The following OSBPL5 variants were observed in gnomAD, a reference collection of about 807,000 sequenced individuals.
The protein encoded by OSBPL5 is oxysterol binding protein like 5.
OSBPL5 carries 71 observed loss-of-function variants against 111.2 expected under a neutral mutation model. The ratio of observed to expected loss-of-function variants is 0.64; its 90% confidence interval spans 0.53 to 0.78. The LOEUF (loss-of-function observed/expected upper bound fraction) is 0.78, where lower values mean the gene tolerates loss of function less well. OSBPL5 is among the 30% of genes least tolerant of loss of function. OSBPL5 has a pLI of 0.00. For synonymous variants in OSBPL5, 549 were observed against 513.9 expected, an observed-to-expected ratio of 1.07 and a Z score of -0.93; for missense variants, 1,210 against 1,189.3, an observed-to-expected ratio of 1.02 and a Z score of -0.26.
chr11:3,156,767 C>A (rs968657833), intron 1 of OSBPL5, among the ~76,000 whole-genome samples: 4 of 152,244 alleles, frequency 2.6e-5, no homozygotes, highest in African/African-American at 9.6e-5. Context: ...TCTGAGAGCC[C>A]ATGCCACTTC....
chr11:3,150,317 A>C (rs1404015946), intron 1 of OSBPL5, among the ~76,000 whole-genome samples: 1 of 152,044 alleles, frequency 6.6e-6, no homozygotes, highest in Non-Finnish European at 1.5e-5. Context: ...TTAAAAAAAA[A>C]GTTTTTTGGT....
rs1428053690 is a variant in OSBPL5, at chr11:3,087,933, C to T, written c.*272G>A. 2 of 319,388 alleles carry T rather than the reference C, an allele frequency of 6.3e-6. No homozygotes were observed. Among genetic ancestry groups the T allele is most frequent in the Non-Finnish European group, 1.1e-5 (2 of 176,000 alleles). The allele number at this position is 319,388 out of a possible 1,614,324, so 19.8% of individuals were successfully genotyped here. On this transcript the variant is annotated 3_prime_UTR_variant, in exon 22 of 22. Coordinates refer to ENST00000263650, the MANE Select transcript of OSBPL5 (RefSeq NM_020896.4). ...ACAGGGGGTGACACGGCAAGATGGCCAGGAGTGCGTCGCACAGCAGAAGCT... is the reference window on the plus strand; with the variant it reads ...ACAGGGGGTGACACGGCAAGATGGCTAGGAGTGCGTCGCACAGCAGAAGCT...
chr11:3,090,846 G>T (rs1189170838), intron 19 of OSBPL5, 150 bp from the exon 20 acceptor site: 6 of 1,029,570 alleles, frequency 5.8e-6, no homozygotes, highest in Non-Finnish European at 8.3e-6. Context: ...GGCTGGAGGG[G>T]TCTGTCTCAG....
intron 1 of OSBPL5, chr11:3,164,276 G>C (rs1340322271): frequency 3.9e-5 from 6 of 152,358 alleles, no homozygotes; most frequent in Non-Finnish European, 8.8e-5. Context: ...GGGCAGACCC[G>C]CTCAGCCCAA....
rs572522134 is a variant in OSBPL5 at position 3,104,486 on chromosome 11, G to T, written c.1060-109C>A. The T allele has an allele frequency of 3.0e-4, 373 of 1,238,516 alleles. 2 individuals are homozygous for T. The East Asian group carries it at 7.4e-3, about 25-fold the overall frequency. The allele number at this position is 1,238,516 out of a possible 1,614,324, so 76.7% of individuals were successfully genotyped here. On this transcript the variant is annotated intron_variant, in intron 9 of 21. Transcript: ENST00000263650. This position sits in a 1 kb window ranked among gnomAD's most constrained non-coding sequence, Gnocchi z 5.0. ...GAGGCTGTACCTGCCACCCCTTAGG[G>T]TGTAAACCCCTGACCTGGCCTCCAT...
chr11:3,125,379 T>A (rs1389013289), intron 3 of OSBPL5, among the ~76,000 whole-genome samples: 1 of 151,922 alleles, frequency 6.6e-6, no homozygotes, highest in Non-Finnish European at 1.5e-5. Context: ...AATGGACAAA[T>A]AACTGGAATA....
chr11:3,090,856 G>T, intron 19 of OSBPL5, 160 bp from the exon 20 acceptor site: 1 of 923,600 alleles, frequency 1.1e-6, no homozygotes, highest in Non-Finnish European at 1.6e-6. Context: ...GTCTGTCTCA[G>T]CCCCGGCATG....
chr11:3,145,119 T>C (rs556677179), intron 1 of OSBPL5, among the ~76,000 whole-genome samples: 1 of 152,342 alleles, frequency 6.6e-6, no homozygotes, highest in African/African-American at 2.4e-5. Context: ...CCGCTCTGCC[T>C]GGCCCTCACG....
At chr11:3,128,614 T>C (rs950060361) in intron 2 of OSBPL5, among the ~76,000 whole-genome samples, 3 of 152,172 alleles carry the variant, frequency 2.0e-5, no homozygotes, top group Admixed American at 2.0e-4. Context: ...TATTGTCCCA[T>C]TTTATAGATC....
chr11:3,164,139 A>G (rs895042416), intron 1 of OSBPL5: 1 of 152,238 alleles, frequency 6.6e-6, no homozygotes, highest in Non-Finnish European at 1.5e-5. Flanking sequence ...GGGAGGCTGT[A>G]TCAGGTGGGG....
In OSBPL5 at chr11:3,106,550, C is replaced by T. The variant is rs991963692; in HGVS notation, c.1059+713G>A. 1.4e-4 allele frequency among the ~76,000 whole-genome samples: 22 copies of T among 152,180 alleles called. No homozygotes were observed. Among genetic ancestry groups the T allele is most frequent in the African/African-American group, 3.1e-4 (13 of 41,458 alleles). ...GGGCCACGTGAGTTCTCTCCAGCTGCGGGGAGTCAGCTGCCCTGGCTGTTC... is the reference window on the plus strand; with the variant it reads ...GGGCCACGTGAGTTCTCTCCAGCTGTGGGGAGTCAGCTGCCCTGGCTGTTC... On this transcript the variant is annotated intron_variant, in intron 9 of 21. Transcript: ENST00000263650. This position sits in a 1 kb window ranked among gnomAD's most constrained non-coding sequence, Gnocchi z 8.4.
At chr11:3,119,658 C>A in intron 6 of OSBPL5, 27 bp from the exon 7 acceptor site, 1 of 1,571,282 alleles carries the variant, frequency 6.4e-7, no homozygotes, top group Non-Finnish European at 8.6e-7. Flanking sequence ...CTGGGTGTCA[C>A]CCGAGGCAAC....
intron 7 of OSBPL5, among the ~76,000 whole-genome samples, chr11:3,114,544 T>C (rs1210857181): frequency 1.3e-5 from 2 of 151,106 alleles, no homozygotes; most frequent in Non-Finnish European, 2.9e-5. Flanking sequence ...GAGATTGGGT[T>C]TGATGTAAAA....
In OSBPL5 at chr11:3,090,714, T is replaced by G; in HGVS notation, c.2260-18A>C. ...CCAGACCTCTGCAGAGAAATGGAGC[T>G]GCTGCAGCTGAAAGCCACCCACGCC... is the stretch of plus-strand genomic sequence containing the variant. On this transcript the variant is annotated intron_variant, in intron 19 of 21. Coordinates refer to ENST00000263650, the MANE Select transcript of OSBPL5 (RefSeq NM_020896.4). 6.2e-7 allele frequency: 1 copy of G among 1,602,074 alleles called. No individual in the cohort carries two copies. Among genetic ancestry groups the G allele is most frequent in the African/African-American group, 1.3e-5 (1 of 74,910 alleles).
At chr11:3,102,493 G>A (rs1213266740) in intron 11 of OSBPL5, among the ~76,000 whole-genome samples, 1 of 152,162 alleles carries the variant, frequency 6.6e-6, no homozygotes, top group Non-Finnish European at 1.5e-5. Flanking sequence ...ACAGCCTCAG[G>A]GGAATCCTGT....
chr11:3,092,624 C>A lies in OSBPL5; in HGVS notation c.2133-66G>T, dbSNP rs1274148658. 2 of 1,486,152 alleles carry A rather than the reference C, an allele frequency of 1.3e-6. No homozygotes were observed. The highest frequency in any genetic ancestry group is 1.4e-5 in the African/African-American group (1 of 71,842). 92.1% of individuals were successfully genotyped at this position (1,486,152 alleles called of 1,614,324 possible). A position where few individuals can be genotyped will look rare whatever the true frequency, so the allele number is the denominator to read the frequency against. On this transcript the variant is annotated intron_variant, in intron 18 of 21. Transcript: ENST00000263650. The surrounding 1 kb of genome is among the most constrained non-coding windows in gnomAD (Gnocchi z 5.4). ...CCTCAGGTGAGGGGGCTGTCCTGGC[C>A]CAGTCTTCAGCCCCCCAACAGTGGC...
At chr11:3,120,021 T>G (rs1010750476) in intron 6 of OSBPL5, 3 of 409,012 alleles carry the variant, frequency 7.3e-6, no homozygotes, top group African/African-American at 6.0e-5. Flanking sequence ...AACTCTGATG[T>G]TTCTCTGAAA....
At position 3,110,558 on chromosome 11, in the gene OSBPL5, C is replaced by T. The variant is rs902647177; in HGVS notation, c.692-2613G>A. ...AGTAGAACCTGTTGTTTCAATGGTG[C>T]CTGGTGTGAAAGGAAAATCTTGGGC... On this transcript the variant is annotated intron_variant, in intron 7 of 21. Coordinates refer to ENST00000263650, the MANE Select transcript of OSBPL5 (RefSeq NM_020896.4). This position sits in a 1 kb window ranked among gnomAD's most constrained non-coding sequence, Gnocchi z 5.3. Among the ~76,000 whole-genome samples the T allele has an allele frequency of 6.6e-5, 10 of 152,134 alleles. No homozygotes were observed. Among genetic ancestry groups the T allele is most frequent in the African/African-American group, 2.4e-4 (10 of 41,428 alleles).
chr11:3,096,995 A>AAGAGGAAAGGGGGAAGACGGGAGAAGG (rs1857283655), intron 14 of OSBPL5, among the ~76,000 whole-genome samples: 4 of 2,090 alleles, frequency 1.9e-3, no homozygotes, highest in African/African-American at 6.8e-3. Context: ...GGAGGAGGAG[A>AAGAGGAAAGGGGGAAGACGGGAGAAGG]AGAGGAAAGA....
Sources: allele counts gnomAD v4.1 joint callset (sites outside exome capture counted in the v4.1 genomes callset), GRCh38; gene constraint gnomAD v4.1.1; non-coding constraint Gnocchi (gnomAD v3.1); transcripts MANE v1.5; gene names NCBI Gene and HGNC (gene_info 2026-07-23, HGNC 2026-07-21).